Variants in PLCL2 observed in about 807,000 individuals in gnomAD.
PLCL2 encodes the protein inactive phospholipase C-like protein 2.
In PLCL2, 4 loss-of-function variants were observed where a neutral mutation model predicts 79.6. The observed-to-expected ratio is 0.05, with a 90% CI of 0.02 to 0.11. PLCL2 has a LOEUF of 0.11. Among genes scored for constraint, PLCL2 ranks in the 10% least tolerant of loss-of-function variants. The pLI, the probability that PLCL2 is intolerant of heterozygous loss-of-function variation, is 1.00. For missense variants in PLCL2, 895 were observed against 1,291.0 expected (o/e 0.69, Z 4.70); for synonymous variants, 484 against 457.7 (o/e 1.06, Z -0.73).
chr3:16,940,968 C>T (rs1339464537), intron 1 of PLCL2, among the ~76,000 whole-genome samples: 1 of 152,154 alleles, frequency 6.6e-6, no homozygotes, highest in Non-Finnish European at 1.5e-5. Flanking sequence ...TTTTGTAGGC[C>T]TGCAGTCCTC....
intron 4 of PLCL2, among the ~76,000 whole-genome samples, chr3:17,067,321 T>C (rs1254493903): frequency 6.6e-6 from 1 of 152,228 alleles, no homozygotes; most frequent in African/African-American, 2.4e-5. Flanking sequence ...TTTTTAAATT[T>C]ATGTGAAAAC....
chr3:16,985,097 A>C (rs1334693431), intron 1 of PLCL2, among the ~76,000 whole-genome samples: 2 of 152,088 alleles, frequency 1.3e-5, no homozygotes, highest in African/African-American at 2.4e-5. Flanking sequence ...TTGTTTGTGG[A>C]ATTCTTTACT....
chr3:16,948,433 C>A (rs1287370546), intron 1 of PLCL2, among the ~76,000 whole-genome samples: 2 of 151,960 alleles, frequency 1.3e-5, no homozygotes, highest in Non-Finnish European at 2.9e-5. Flanking sequence ...TAAAAATGTA[C>A]TAAAATTGAT....
At chr3:17,014,565 A>T in intron 2 of PLCL2, 143 bp from the exon 3 acceptor site, 1 of 686,382 alleles carries the variant, frequency 1.5e-6, no homozygotes, top group Non-Finnish European at 2.5e-6. Flanking sequence ...AGGATAAAAC[A>T]ATCATTAGCC....
intron 1 of PLCL2, among the ~76,000 whole-genome samples, chr3:16,965,848 T>C (rs996150165): frequency 1.3e-5 from 2 of 151,934 alleles, no homozygotes; most frequent in Non-Finnish European, 2.9e-5. Context: ...ATAAGAATGC[T>C]TGTGATTTTT....
At chr3:17,025,799 C>T (rs1431338699) in intron 3 of PLCL2, among the ~76,000 whole-genome samples, 1 of 152,178 alleles carries the variant, frequency 6.6e-6, no homozygotes, top group Non-Finnish European at 1.5e-5. Flanking sequence ...TTTGACATTT[C>T]ATAAGCTTTG....
rs1553649924 is a variant in PLCL2, at chr3:17,059,450, G to GTGTATATATATATATACACT, written c.3095-8495_3095-8494insATATACACTTGTATATATAT. Among the ~76,000 whole-genome samples, 14 of 147,184 alleles carry GTGTATATATATATATACACT rather than the reference G, an allele frequency of 9.5e-5. No homozygotes were observed. In the East Asian group the frequency reaches 1.6e-3, roughly 17 times the overall value. On this transcript the variant is annotated intron_variant, in intron 4 of 5. Transcript: ENST00000615277. ...TGTGTGTATATATATATGTGTGTGT[G>GTGTATATATATATATACACT]TGTATATATATGTGTATATGTATTT...
intron 1 of PLCL2, among the ~76,000 whole-genome samples, chr3:16,969,522 G>A (rs1025276655): frequency 6.6e-5 from 10 of 151,998 alleles, no homozygotes; most frequent in Non-Finnish European, 1.5e-4. Context: ...TCTAGTTTGT[G>A]TGCATAGAGG....
chr3:17,084,318 C>A (rs964258879), intron 5 of PLCL2, among the ~76,000 whole-genome samples: 1 of 152,186 alleles, frequency 6.6e-6, no homozygotes, highest in South Asian at 2.1e-4. Flanking sequence ...ACAAAAAGCA[C>A]CAGCACAGAT....
At chr3:16,926,773 A>C (rs1443038814) in intron 1 of PLCL2, among the ~76,000 whole-genome samples, 1 of 151,906 alleles carries the variant, frequency 6.6e-6, no homozygotes, top group African/African-American at 2.4e-5. Context: ...CTGAGACTAC[A>C]GGCACCCGCC....
chr3:16,903,132 G>C (rs1696667748), intron 1 of PLCL2, among the ~76,000 whole-genome samples: 1 of 152,146 alleles, frequency 6.6e-6, no homozygotes, highest in South Asian at 2.1e-4. Context: ...TTGAAAAGGA[G>C]TATTCAGGTG....
rs954423465 is a variant in PLCL2, at chr3:16,902,885, C to T, written c.327+17519C>T. On this transcript the variant is annotated intron_variant, in intron 1 of 5. Coordinates refer to ENST00000615277, the MANE Select transcript of PLCL2 (RefSeq NM_001144382.2). Reference sequence around the variant, plus strand: ...GTGTGTGTGTGTGTGTGTGTGTGNGCGCATGTGCATGCTTTGGAAGGAATC... The same window carrying T: ...GTGTGTGTGTGTGTGTGTGTGTGNGTGCATGTGCATGCTTTGGAAGGAATC... Among the ~76,000 whole-genome samples the T allele has an allele frequency of 4.6e-5, 6 of 130,072 alleles. No individual in the cohort carries two copies. The East Asian group carries it at 6.9e-4, about 15-fold the overall frequency. The allele number at this position is 130,072 out of a possible 152,430, so 85.3% of individuals were successfully genotyped here.
At chr3:17,060,339 C>T (rs1189270107) in intron 4 of PLCL2, among the ~76,000 whole-genome samples, 4 of 152,146 alleles carry the variant, frequency 2.6e-5, no homozygotes, top group Non-Finnish European at 5.9e-5. Flanking sequence ...ATTTAAGAAA[C>T]CTGGTTTATC....
chr3:16,945,223 C>T (rs1328820930), intron 1 of PLCL2, among the ~76,000 whole-genome samples: 1 of 126,722 alleles, frequency 7.9e-6, no homozygotes, highest in Non-Finnish European at 1.6e-5. Context: ...TGTTTAAAAT[C>T]ACAGACACAA....
intron 1 of PLCL2, among the ~76,000 whole-genome samples, chr3:16,919,421 A>C (rs887922875): frequency 2.0e-5 from 3 of 152,076 alleles, no homozygotes; most frequent in African/African-American, 7.2e-5. Flanking sequence ...TTTACTGATC[A>C]GGTATGCCAG....
intron 3 of PLCL2, among the ~76,000 whole-genome samples, chr3:17,015,476 T>C (rs2064373676): frequency 6.6e-6 from 1 of 152,220 alleles, no homozygotes; most frequent in Non-Finnish European, 1.5e-5. Flanking sequence ...AAGATTTACC[T>C]TGCATTTTCT....
At chr3:16,928,860 A>T (rs1362596395) in intron 1 of PLCL2, among the ~76,000 whole-genome samples, 3 of 152,156 alleles carry the variant, frequency 2.0e-5, no homozygotes, top group Non-Finnish European at 2.9e-5. Context: ...GGACTCAGAA[A>T]CATTCATGAA....
At chr3:16,966,311 G>A (rs971613440) in intron 1 of PLCL2, among the ~76,000 whole-genome samples, 4 of 151,584 alleles carry the variant, frequency 2.6e-5, no homozygotes, top group African/African-American at 9.7e-5. Context: ...TTTATATGCT[G>A]GATTATGTTT....
intron 4 of PLCL2, among the ~76,000 whole-genome samples, chr3:17,043,857 C>A (rs537452282): frequency 6.6e-6 from 1 of 152,168 alleles, no homozygotes. Flanking sequence ...TTGTTTTACT[C>A]ATCTTGTCAG....
Sources: allele counts gnomAD v4.1 joint callset (sites outside exome capture counted in the v4.1 genomes callset), GRCh38; gene constraint gnomAD v4.1.1; transcripts MANE v1.5; gene names NCBI Gene and HGNC (gene_info 2026-07-23, HGNC 2026-07-21).